TOR1AIP1: variants seen among roughly 807,000 people sequenced by gnomAD.
TOR1AIP1 encodes torsin 1A interacting protein 1.
Under a neutral mutation model 63.3 loss-of-function variants are expected in TOR1AIP1, and 54 were observed. The observed-to-expected ratio is 0.85, with a 90% CI of 0.69 to 1.07. The LOEUF is 1.07. Among genes scored for constraint, TOR1AIP1 ranks in the 50% least tolerant of loss-of-function variants. The pLI, the probability that TOR1AIP1 is intolerant of heterozygous loss-of-function variation, is 0.00. For missense variants in TOR1AIP1, 736 were observed against 715.0 expected, an observed-to-expected ratio of 1.03 and a Z score of -0.33; for synonymous variants, 294 against 273.5, an observed-to-expected ratio of 1.07 and a Z score of -0.74.
intron 9 of TOR1AIP1, among the ~76,000 whole-genome samples, chr1:179,917,184 A>G (rs1393828072): frequency 6.6e-6 from 1 of 152,200 alleles, no homozygotes; most frequent in Non-Finnish European, 1.5e-5. Context: ...ATGCCATTTC[A>G]TATGTTTAAA....
chr1:179,917,454 G>T lies in TOR1AIP1; in HGVS notation c.967G>T (p.Val323Leu). 1 of 1,609,844 alleles carries T rather than the reference G, an allele frequency of 6.2e-7. No individual in the cohort carries two copies. The highest frequency in any genetic ancestry group is 8.5e-7 in the Non-Finnish European group (1 of 1,178,860). Residue 323 changes from valine to leucine, a missense_variant and splice_region_variant, in exon 10 of 10, where the codon GTG becomes TTG. Around this residue, in one of 2 missense-constraint regions of TOR1AIP1, gnomAD observed 272 missense variants for 344.1 expected, o/e 0.79. Coordinates refer to ENST00000606911, the MANE Select transcript of TOR1AIP1 (RefSeq NM_015602.4). ...TCATTTCTTTTTTGTCTGAGTAGAA[G>T]TGACTGGACAACCCCAAAATGCATC... The part of the protein sequence containing the change: ...NQSPSTSSRQ[V>L]TGQPQNASFV...
At chr1:179,913,895 C>A in intron 8 of TOR1AIP1, 103 bp from the exon 9 acceptor site, 3 of 1,126,656 alleles carry the variant, frequency 2.7e-6, no homozygotes, top group Non-Finnish European at 3.8e-6. Flanking sequence ...TCTCTGTCTT[C>A]TTTTTTTCCT....
intron 8 of TOR1AIP1, among the ~76,000 whole-genome samples, chr1:179,912,174 A>G (rs769120385): frequency 6.6e-6 from 1 of 151,450 alleles, no homozygotes; most frequent in Non-Finnish European, 1.5e-5. Flanking sequence ...TGGTGCACCA[A>G]TACACCCAGC....
chr1:179,911,825 C>CTTTA (rs1423429197), intron 8 of TOR1AIP1, among the ~76,000 whole-genome samples: 1 of 152,052 alleles, frequency 6.6e-6, no homozygotes, highest in Non-Finnish European at 1.5e-5. Flanking sequence ...AGTCTAAAAT[C>CTTTA]TCATAATTAT....
At chr1:179,897,680 A>C (rs1236575250) in intron 3 of TOR1AIP1, among the ~76,000 whole-genome samples, 1 of 152,228 alleles carries the variant, frequency 6.6e-6, no homozygotes, top group African/African-American at 2.4e-5. Context: ...TATGTAAAAC[A>C]TAACACTGAA....
intron 4 of TOR1AIP1, among the ~76,000 whole-genome samples, chr1:179,901,031 T>G (rs537739806): frequency 6.6e-6 from 1 of 152,334 alleles, no homozygotes; most frequent in East Asian, 1.9e-4. Context: ...CATTTTTGAC[T>G]CTACATTAAA....
chr1:179,914,175 A>G, intron 9 of TOR1AIP1, 121 bp downstream of exon 9: 1 of 848,784 alleles, frequency 1.2e-6, no homozygotes, highest in Non-Finnish European at 1.9e-6. Context: ...CATTTTAAGC[A>G]CTTGAGAGGA....
At chr1:179,891,648 T>C (rs940602851) in intron 3 of TOR1AIP1, among the ~76,000 whole-genome samples, 1 of 151,090 alleles carries the variant, frequency 6.6e-6, no homozygotes, top group African/African-American at 2.4e-5. Flanking sequence ...CCACTGCAAC[T>C]TCTGCCTCCC....
chr1:179,885,660 G>A (rs1229956208), intron 2 of TOR1AIP1, among the ~76,000 whole-genome samples: 2 of 152,148 alleles, frequency 1.3e-5, no homozygotes, highest in Admixed American at 1.3e-4. Flanking sequence ...TTTATAATGT[G>A]AGCTATTGTA....
chr1:179,918,474 A>C lies in TOR1AIP1; in HGVS notation c.*235A>C, dbSNP rs935311319. 8.3e-5 allele frequency: 40 copies of C among 480,104 alleles called. No homozygotes were observed. Among genetic ancestry groups the C allele is most frequent in the Non-Finnish European group, 1.3e-4 (36 of 272,464 alleles). The allele number at this position is 480,104 out of a possible 1,614,324, so 29.7% of individuals were successfully genotyped here. The stretch of plus-strand genomic sequence containing the variant: ...TAAAGGTATCTTAGGAGTGCAGATT[A>C]TATGCAGTTCCTTAGAGAATCTGTT... On this transcript the variant is annotated 3_prime_UTR_variant, in exon 10 of 10. Coordinates refer to ENST00000606911, the MANE Select transcript of TOR1AIP1 (RefSeq NM_015602.4).
Position 179,882,512 on chromosome 1 carries a change from G to A in TOR1AIP1, c.10G>A (p.Asp4Asn), listed in dbSNP as rs916736921. 2.8e-6 allele frequency: 4 copies of A among 1,454,190 alleles called. No homozygotes were observed. The South Asian group carries it at 4.4e-5, about 16-fold the overall frequency. The allele number at this position is 1,454,190 out of a possible 1,614,324, so 90.1% of individuals were successfully genotyped here. A position where few individuals can be genotyped will look rare whatever the true frequency, so the allele number is the denominator to read the frequency against. The change falls in exon 1 of 10, where the codon GAC (aspartate) becomes AAC (asparagine). Residue 4 changes from aspartate (D) to asparagine (N), a missense_variant. Physicochemically the swap from Asp to Asn is conservative, Grantham distance 23 (BLOSUM62 1). This residue lies in a region of TOR1AIP1 where 464 missense variants were observed against 371.0 expected (regional missense o/e 1.25). Coordinates refer to ENST00000606911, the MANE Select transcript of TOR1AIP1 (RefSeq NM_015602.4). MAG[D>N]GRRAEAVREG... Reference sequence around the variant, plus strand: ...AGCTACGTCAACAACTATGGCGGGCGACGGGCGGCGGGCAGAGGCGGTGCG... The same window carrying A: ...AGCTACGTCAACAACTATGGCGGGCAACGGGCGGCGGGCAGAGGCGGTGCG...
intron 3 of TOR1AIP1, among the ~76,000 whole-genome samples, chr1:179,896,184 G>A (rs913137583): frequency 2.6e-5 from 4 of 152,116 alleles, no homozygotes; most frequent in African/African-American, 7.2e-5. Context: ...GCTAAGTAAC[G>A]TTAATCATAG....
intron 3 of TOR1AIP1, among the ~76,000 whole-genome samples, chr1:179,891,369 C>A (rs1468583114): frequency 6.6e-6 from 1 of 151,522 alleles, no homozygotes; most frequent in Non-Finnish European, 1.5e-5. Flanking sequence ...TTACAGGTGC[C>A]CACCACCACG....
intron 2 of TOR1AIP1, among the ~76,000 whole-genome samples, chr1:179,888,727 A>G (rs1647978250): frequency 6.6e-6 from 1 of 152,250 alleles, no homozygotes; most frequent in Non-Finnish European, 1.5e-5. Flanking sequence ...ACATACTTTT[A>G]TAGGTGGTTT....
chr1:179,908,624 TCCC>T lies in TOR1AIP1; in HGVS notation c.860_862del (p.Pro287del). On this transcript the variant is annotated inframe_deletion, in exon 8 of 10. Coordinates refer to ENST00000606911, the MANE Select transcript of TOR1AIP1 (RefSeq NM_015602.4). ...CTTCAGGCTCAGGATATCAAAAAAC[TCCC>T]CAGGAATGGGCCCCACAAACTGCAA... 1 of 1,613,538 alleles carries T rather than the reference TCCC, an allele frequency of 6.2e-7. No homozygotes were observed. The highest frequency in any genetic ancestry group is 8.5e-7 in the Non-Finnish European group (1 of 1,179,626).
chr1:179,889,497 C>T, intron 3 of TOR1AIP1, 128 bp downstream of exon 3: 1 of 608,242 alleles, frequency 1.6e-6, no homozygotes, highest in Non-Finnish European at 2.6e-6. Flanking sequence ...AAAAATCTCC[C>T]TGTCCCCTCT....
chr1:179,907,643 T>C (rs1049136599), intron 6 of TOR1AIP1, among the ~76,000 whole-genome samples, 180 bp from the exon 7 acceptor site: 1 of 142,700 alleles, frequency 7.0e-6, no homozygotes, highest in Non-Finnish European at 1.5e-5. Flanking sequence ...ATATATAGTA[T>C]ATGTATGTTT....
At chr1:179,907,403 T>C (rs1435509684) in intron 6 of TOR1AIP1, among the ~76,000 whole-genome samples, 1 of 140,928 alleles carries the variant, frequency 7.1e-6, no homozygotes, top group Non-Finnish European at 1.5e-5. Flanking sequence ...CATTCCAGCC[T>C]GGGTGACAGA....
rs768482465 is a variant in TOR1AIP1, at chr1:179,882,628, GC to G, written c.128del (p.Pro43LeufsTer15). 1.5e-5 allele frequency: 23 copies of G among 1,535,700 alleles called. No individual in the cohort carries two copies. Among genetic ancestry groups the G allele is most frequent in the Non-Finnish European group, 2.0e-5 (23 of 1,144,228 alleles). On this transcript the variant is annotated frameshift_variant, in exon 1 of 10. Coordinates refer to ENST00000606911, the MANE Select transcript of TOR1AIP1 (RefSeq NM_015602.4). LOFTEE classifies it high-confidence loss of function. The stretch of plus-strand genomic sequence containing the variant: ...CTCAAAATGGCGGCAGCAGCGATGC[GC>G]CTGCGTACAGAACTCCTCCGTCGCG... ...APQNGGSSDA[P>X]AYRTPPSRQG...
Sources: gnomAD v4.1 joint callset for allele counts (sites outside exome capture counted in the v4.1 genomes callset) on GRCh38, gnomAD v4.1.1 for gene constraint, gnomAD v4.1.1 regional missense constraint, MANE v1.5 for transcripts, NCBI Gene and HGNC (gene_info 2026-07-23, HGNC 2026-07-21) for gene names.